TNPO3: variants seen among roughly 807,000 people sequenced by gnomAD.
TNPO3 encodes the protein transportin-3.
In TNPO3, 65 loss-of-function variants were observed where a neutral mutation model predicts 122.8. The ratio of observed to expected loss-of-function variants is 0.53; its 90% CI spans 0.43 to 0.65. The LOEUF (loss-of-function observed/expected upper bound fraction) is 0.65, where lower values mean the gene tolerates loss of function less well. Among genes scored for constraint, TNPO3 ranks in the 30% least tolerant of loss-of-function variants. The probability of loss-of-function intolerance (pLI) is 0.00; values close to 1 mark genes in which losing one functional copy is unlikely to be tolerated. For synonymous variants in TNPO3, 372 were observed against 411.2 expected, an observed-to-expected ratio of 0.90 and a Z score of 1.15; for missense variants, 850 against 1,136.7, an observed-to-expected ratio of 0.75 and a Z score of 3.63.
intron 17 of TNPO3, among the ~76,000 whole-genome samples, 179 bp from the exon 18 acceptor site, chr7:128,975,141 T>A (rs183010193): frequency 4.6e-5 from 7 of 152,310 alleles, no homozygotes; most frequent in African/African-American, 1.7e-4. Context: ...TCCTTCCCAG[T>A]TGACATAAAC....
chr7:128,974,806 A>G, intron 18 of TNPO3, 62 bp downstream of exon 18: 1 of 1,339,082 alleles, frequency 7.5e-7, no homozygotes, highest in Non-Finnish European at 1.1e-6. Context: ...CAAGGGTCAG[A>G]TGGCAAGACT....
chr7:129,018,013 A>G lies in TNPO3; in HGVS notation c.265T>C (p.Ser89Pro), dbSNP rs1351351139. The G allele has an allele frequency of 6.2e-7, 1 of 1,614,194 alleles. No individual in the cohort carries two copies. The highest frequency in any genetic ancestry group is 8.5e-7 in the Non-Finnish European group (1 of 1,180,030). Reference protein sequence around the residue: ...PTDSHASLRDSLLTHIQNLKD... With the variant: ...PTDSHASLRDPLLTHIQNLKD... ...AAGTTCTGGATATGGGTTAGCAATG[A>G]GTCCCGTAAAGAGGCATGAGAGTCT... The change falls in exon 2 of 23, where the codon TCA (serine) becomes CCA (proline). Residue 89 changes from serine to proline, a missense_variant. Ser to Pro is a moderately conservative substitution (Grantham distance 74). Transcript: ENST00000265388.
At chr7:129,003,575 A>G (rs930312418) in intron 5 of TNPO3, among the ~76,000 whole-genome samples, 4 of 152,022 alleles carry the variant, frequency 2.6e-5, no homozygotes, top group African/African-American at 4.8e-5. Flanking sequence ...TGAGGCAGGA[A>G]GATTGCTTGA....
At chr7:128,987,033 A>G in intron 11 of TNPO3, 113 bp from the exon 12 acceptor site, 1 of 1,080,358 alleles carries the variant, frequency 9.3e-7, no homozygotes, top group Non-Finnish European at 1.3e-6. Flanking sequence ...GAACCCTTTT[A>G]AAAAGTGAAA....
chr7:129,005,229 T>C, intron 4 of TNPO3, 70 bp from the exon 5 acceptor site: 1 of 1,401,034 alleles, frequency 7.1e-7, no homozygotes, highest in South Asian at 1.4e-5. Context: ...TCAATCACCT[T>C]ACAAGTATAA....
At chr7:128,955,544 G>A (rs1265133963) in intron 22 of TNPO3, among the ~76,000 whole-genome samples, 159 bp from the exon 23 acceptor site, 4 of 152,156 alleles carry the variant, frequency 2.6e-5, no homozygotes, top group Admixed American at 2.0e-4. Context: ...AAAGTCTGGC[G>A]TTTTAACTTG....
In TNPO3 at chr7:128,991,987, T is replaced by C. The variant is rs746455886; in HGVS notation, c.1358+12A>G. 20 of 1,570,606 alleles carry C rather than the reference T, an allele frequency of 1.3e-5. No homozygotes were observed. The highest frequency in any genetic ancestry group is 1.4e-5 in the Non-Finnish European group (16 of 1,156,160). ...TTTAGAGTTCCCAGCAAAAGACTTA[T>C]GAGACACTCACGGATCAACACTCTT... On this transcript the variant is annotated intron_variant, in intron 10 of 22. Transcript: ENST00000265388.
At position 129,000,416 on chromosome 7, in the gene TNPO3, G is replaced by T. The variant is rs2150377224; in HGVS notation, c.1011+13C>A. 6.2e-7 allele frequency: 1 copy of T among 1,607,568 alleles called. No individual in the cohort carries two copies. The highest frequency in any genetic ancestry group is 1.1e-5 in the South Asian group (1 of 90,360). ...CTTGGAGAATAATGGCCTTTGAATA[G>T]CATAAACACTACCTCATATTGAGGA... On this transcript the variant is annotated intron_variant, in intron 7 of 22. Coordinates refer to ENST00000265388, the MANE Select transcript of TNPO3 (RefSeq NM_012470.4).
chr7:128,995,682 T>G (rs1801229914), intron 8 of TNPO3, among the ~76,000 whole-genome samples: 1 of 140,174 alleles, frequency 7.1e-6, no homozygotes, highest in South Asian at 2.3e-4. Flanking sequence ...AAAATGTGGT[T>G]GAAGACAGGA....
rs866018728 is a variant in TNPO3 at position 128,964,529 on chromosome 7, G to T, written c.2711+2751C>A. ...TTTTTGTGTCTTTAGTAGAGATGGG[G>T]TTTCACTGTTTTAGCCAGGATGGTC... is the stretch of plus-strand genomic sequence containing the variant. On this transcript the variant is annotated intron_variant, in intron 21 of 22. Transcript: ENST00000265388. Among the ~76,000 whole-genome samples, 8 of 152,032 alleles carry T rather than the reference G, an allele frequency of 5.3e-5. No individual in the cohort carries two copies. In the Middle Eastern group the frequency reaches 0.01, roughly 194 times the overall value.
At chr7:128,960,717 A>G (rs560906911) in intron 21 of TNPO3, among the ~76,000 whole-genome samples, 1 of 152,030 alleles carries the variant, frequency 6.6e-6, no homozygotes, top group East Asian at 1.9e-4. Context: ...TTTAGTTTAT[A>G]AAGTAAAAAA....
At chr7:129,054,295 G>C (rs936632113) in intron 1 of TNPO3, among the ~76,000 whole-genome samples, 1 of 152,202 alleles carries the variant, frequency 6.6e-6, no homozygotes. Context: ...TAAGCGGAAG[G>C]TGGAGAAACA....
At position 129,033,427 on chromosome 7, in the gene TNPO3, G is replaced by A. The variant is rs919280984; in HGVS notation, c.121-15270C>T. Among the ~76,000 whole-genome samples, 13 of 152,076 alleles carry A rather than the reference G, an allele frequency of 8.5e-5. No individual in the cohort carries two copies. The East Asian group carries it at 2.5e-3, about 29-fold the overall frequency. Reference sequence around the variant, plus strand: ...TAGAATGACCACTATCCAAAAAAACGAAGCAAAAAAACCTCAGAAAATAAT... The same window carrying A: ...TAGAATGACCACTATCCAAAAAAACAAAGCAAAAAAACCTCAGAAAATAAT... On this transcript the variant is annotated intron_variant, in intron 1 of 22. Coordinates refer to ENST00000265388, the MANE Select transcript of TNPO3 (RefSeq NM_012470.4).
At chr7:128,976,332 C>G (rs1212123161) in intron 16 of TNPO3, among the ~76,000 whole-genome samples, 3 of 152,330 alleles carry the variant, frequency 2.0e-5, no homozygotes, top group East Asian at 1.9e-4. Context: ...TATCAAACAC[C>G]TTCATCTTGG....
chr7:129,020,521 G>GC (rs1355239899), intron 1 of TNPO3, among the ~76,000 whole-genome samples: 9 of 152,212 alleles, frequency 5.9e-5, no homozygotes, highest in African/African-American at 2.2e-4. Context: ...GCTCATTGCA[G>GC]CCTCAACCTC....
At chr7:129,035,290 A>G (rs927127629) in intron 1 of TNPO3, among the ~76,000 whole-genome samples, 9 of 151,958 alleles carry the variant, frequency 5.9e-5, no homozygotes, top group Non-Finnish European at 1.0e-4. Context: ...ACAACAACAT[A>G]TCAAGCATCT....
At chr7:128,978,215 T>C (rs966427979) in intron 16 of TNPO3, among the ~76,000 whole-genome samples, 3 of 152,268 alleles carry the variant, frequency 2.0e-5, no homozygotes, top group African/African-American at 7.2e-5. Context: ...TAGATGAGAA[T>C]ATGATTTTAG....
chr7:129,008,991 T>C (rs774515698), intron 4 of TNPO3, among the ~76,000 whole-genome samples: 13 of 152,196 alleles, frequency 8.5e-5, no homozygotes, highest in Non-Finnish European at 1.6e-4. Context: ...AAATCAAACA[T>C]ACATTCTAAA....
chr7:128,978,852 G>C (rs960558947), intron 16 of TNPO3, 131 bp downstream of exon 16: 1 of 1,042,166 alleles, frequency 9.6e-7, no homozygotes, highest in Non-Finnish European at 1.4e-6. Context: ...GGCTGGTCTT[G>C]AACTCCTGAC....
Sources: allele counts gnomAD v4.1 joint callset (sites outside exome capture counted in the v4.1 genomes callset), GRCh38; gene constraint gnomAD v4.1.1; transcripts MANE v1.5; gene names NCBI Gene and HGNC (gene_info 2026-07-23, HGNC 2026-07-21).